Variants in RASAL2 observed in about 807,000 individuals in gnomAD.
RASAL2 encodes ras GTPase-activating protein nGAP.
In RASAL2, 58 loss-of-function variants were observed where a neutral mutation model predicts 128.9. The observed-to-expected ratio is 0.45, with a 90% confidence interval of 0.36 to 0.56. RASAL2 has a LOEUF of 0.56. Ranked by LOEUF, RASAL2 falls within the 20% of genes least tolerant of loss-of-function variation. RASAL2 has a pLI of 0.00. For missense variants in RASAL2, 1,360 were observed against 1,601.6 expected (o/e 0.85, Z 2.57); for synonymous variants, 561 against 580.8 (o/e 0.97, Z 0.49).
intron 1 of RASAL2, among the ~76,000 whole-genome samples, chr1:178,282,101 C>T (rs950648886): frequency 1.9e-4 from 29 of 152,042 alleles, no homozygotes; most frequent in African/African-American, 6.8e-4. Flanking sequence ...GCATGTAATG[C>T]TGTGCATAGT....
At chr1:178,344,419 C>T (rs1023491424) in intron 3 of RASAL2, among the ~76,000 whole-genome samples, 2 of 152,146 alleles carry the variant, frequency 1.3e-5, no homozygotes, top group Non-Finnish European at 2.9e-5. Context: ...GGACTTGAAG[C>T]TGGACATATA....
At chr1:178,408,156 G>A (rs931135887) in intron 4 of RASAL2, among the ~76,000 whole-genome samples, 2 of 152,104 alleles carry the variant, frequency 1.3e-5, no homozygotes, top group South Asian at 2.1e-4. Context: ...CTATTTTTAA[G>A]ACTTGTAAAT....
At chr1:178,358,772 C>G (rs1167918685) in intron 3 of RASAL2, among the ~76,000 whole-genome samples, 1 of 152,084 alleles carries the variant, frequency 6.6e-6, no homozygotes, top group Non-Finnish European at 1.5e-5. Context: ...GATTCTATTC[C>G]TATGTATATA....
At chr1:178,156,602 C>T (rs1041102922) in intron 1 of RASAL2, among the ~76,000 whole-genome samples, 1 of 152,100 alleles carries the variant, frequency 6.6e-6, no homozygotes, top group Non-Finnish European at 1.5e-5. Context: ...ATATGAGTCA[C>T]AAACTTCAAC....
chr1:178,161,619 G>A (rs1661299145), intron 1 of RASAL2, among the ~76,000 whole-genome samples: 1 of 152,012 alleles, frequency 6.6e-6, no homozygotes, highest in Non-Finnish European at 1.5e-5. Flanking sequence ...AGTTTTTTGG[G>A]TATATGCCTA....
intron 4 of RASAL2, among the ~76,000 whole-genome samples, chr1:178,419,641 T>C (rs1167194484): frequency 1.3e-5 from 2 of 152,144 alleles, no homozygotes; most frequent in Admixed American, 1.3e-4. Flanking sequence ...AATGACAGAA[T>C]TGTAAATTTC....
intron 1 of RASAL2, among the ~76,000 whole-genome samples, chr1:178,275,341 C>T (rs1666450121): frequency 6.6e-6 from 1 of 152,194 alleles, no homozygotes; most frequent in African/African-American, 2.4e-5. Context: ...CCCTGATATC[C>T]CAGCAGGACT....
chr1:178,322,588 A>G (rs1037002993), intron 3 of RASAL2, among the ~76,000 whole-genome samples: 5 of 152,294 alleles, frequency 3.3e-5, no homozygotes, highest in Admixed American at 3.3e-4. Flanking sequence ...TATGACCACC[A>G]TCCTTCTAGT....
chr1:178,132,434 T>G (rs1383317944), intron 1 of RASAL2, among the ~76,000 whole-genome samples: 1 of 152,132 alleles, frequency 6.6e-6, no homozygotes, highest in Non-Finnish European at 1.5e-5. Flanking sequence ...TTTCTGATCT[T>G]CTGTGGGCTT....
intron 3 of RASAL2, among the ~76,000 whole-genome samples, chr1:178,351,976 A>G (rs566028699): frequency 6.6e-6 from 1 of 152,340 alleles, no homozygotes; most frequent in South Asian, 2.1e-4. Flanking sequence ...AACAAAATAT[A>G]AAAACTGTTC....
chr1:178,341,321 G>A (rs946274110), intron 3 of RASAL2: 1 of 798,390 alleles, frequency 1.3e-6, no homozygotes, highest in Non-Finnish European at 1.7e-6. Flanking sequence ...ACCCAGTGCT[G>A]TGAAAGAAAG....
chr1:178,474,222 C>T lies in RASAL2; in HGVS notation c.*983C>T, dbSNP rs1034991098. 1 of 152,618 alleles carries T rather than the reference C, an allele frequency of 6.6e-6. No individual in the cohort carries two copies. The highest frequency in any genetic ancestry group is 1.9e-4 in the East Asian group (1 of 5,198). The allele number at this position is 152,618 out of a possible 1,614,324, so 9.5% of individuals were successfully genotyped here. On this transcript the variant is annotated 3_prime_UTR_variant, in exon 18 of 18. Transcript: ENST00000367649. ...CCAGATCAACACCCTTTCTTCCATA[C>T]AGAAAAGGGCTAACCATACCACAGC...
At chr1:178,253,911 A>G (rs142174472) in intron 1 of RASAL2, among the ~76,000 whole-genome samples, 3 of 152,328 alleles carry the variant, frequency 2.0e-5, no homozygotes, top group East Asian at 1.9e-4. Flanking sequence ...TTGGGCTCAG[A>G]GGCCTGACTT....
chr1:178,364,271 A>G (rs963228045), intron 3 of RASAL2, among the ~76,000 whole-genome samples: 16 of 152,114 alleles, frequency 1.1e-4, no homozygotes, highest in Admixed American at 6.5e-5. Flanking sequence ...ACCTCACCCA[A>G]AATATCTAAA....
At chr1:178,324,056 A>G (rs1487172303) in intron 3 of RASAL2, among the ~76,000 whole-genome samples, 2 of 152,198 alleles carry the variant, frequency 1.3e-5, no homozygotes, top group South Asian at 2.1e-4. Flanking sequence ...TTCAAATTCC[A>G]TATGCTCTCA....
At chr1:178,228,628 G>C (rs1480329089) in intron 1 of RASAL2, among the ~76,000 whole-genome samples, 1 of 152,134 alleles carries the variant, frequency 6.6e-6, no homozygotes, top group Non-Finnish European at 1.5e-5. Context: ...TGTGTTGATG[G>C]TTTACAAAAT....
intron 1 of RASAL2, among the ~76,000 whole-genome samples, chr1:178,140,459 C>T (rs1422208851): frequency 1.3e-5 from 2 of 152,052 alleles, no homozygotes; most frequent in East Asian, 3.9e-4. Flanking sequence ...CTGAAAATAC[C>T]CTGTGTTTCT....
chr1:178,452,315 C>T (rs1677431714), intron 10 of RASAL2, 101 bp from the exon 11 acceptor site: 6 of 1,011,536 alleles, frequency 5.9e-6, no homozygotes, highest in Non-Finnish European at 9.1e-6. Context: ...CTCCTCACAG[C>T]CTGACTCTTA....
intron 1 of RASAL2, among the ~76,000 whole-genome samples, chr1:178,261,324 G>A (rs1459244529): frequency 6.6e-6 from 1 of 152,202 alleles, no homozygotes; most frequent in African/African-American, 2.4e-5. Context: ...AGGTATTAGA[G>A]AAGAGCTTAG....
Sources: allele counts gnomAD v4.1 joint callset (sites outside exome capture counted in the v4.1 genomes callset), GRCh38; gene constraint gnomAD v4.1.1; transcripts MANE v1.5; gene names NCBI Gene and HGNC (gene_info 2026-07-23, HGNC 2026-07-21).